MAML2: variants seen among roughly 807,000 people sequenced by gnomAD.
MAML2 encodes the protein mastermind-like protein 2.
In MAML2, 22 loss-of-function variants were observed where a neutral mutation model predicts 96.1. That is an observed-to-expected ratio of 0.23 (90% CI 0.16 to 0.33). The LOEUF is 0.33. MAML2 is among the 10% of genes least tolerant of loss of function. The probability of loss-of-function intolerance (pLI) is 1.00; values close to 1 mark genes in which losing one functional copy is unlikely to be tolerated. For missense variants in MAML2, 1,367 were observed against 1,392.4 expected (o/e 0.98, Z 0.29); for synonymous variants, 561 against 521.3 (o/e 1.08, Z -1.04).
intron 2 of MAML2, among the ~76,000 whole-genome samples, chr11:96,067,994 TGAGA>T (rs1199504095): frequency 4.6e-5 from 7 of 152,262 alleles, no homozygotes; most frequent in East Asian, 1.9e-4. Context: ...AATTTTTTCC[TGAGA>T]GAGAGAGTTT....
intron 1 of MAML2, among the ~76,000 whole-genome samples, chr11:96,249,501 T>C (rs936371700): frequency 2.6e-5 from 4 of 152,206 alleles, no homozygotes; most frequent in Admixed American, 2.0e-4. Context: ...ACTTCAGTTC[T>C]CTCGCCTCTT....
intron 2 of MAML2, among the ~76,000 whole-genome samples, chr11:95,994,329 T>C (rs1478126053): frequency 6.6e-6 from 1 of 152,230 alleles, no homozygotes; most frequent in African/African-American, 2.4e-5. Flanking sequence ...TACACCCCTA[T>C]GACCAGTCAG....
In MAML2 at chr11:96,261,660, G is replaced by A. The variant is rs1862752705; in HGVS notation, c.513+79723C>T. On this transcript the variant is annotated intron_variant, in intron 1 of 4. Transcript: ENST00000524717. ...TGAAAGGAACACAACATAATGAATG[G>A]AAAGAGCAAATATCTTGCCTGGTCC... 2.0e-5 allele frequency among the ~76,000 whole-genome samples: 3 copies of A among 152,306 alleles called. No homozygotes were observed. The South Asian group carries it at 6.2e-4, about 32-fold the overall frequency.
At position 96,210,931 on chromosome 11, in the gene MAML2, T is replaced by A. The variant is rs149353943; in HGVS notation, c.514-117414A>T. On this transcript the variant is annotated intron_variant, in intron 1 of 4. Transcript: ENST00000524717. Reference sequence around the variant, plus strand: ...AATTTGAAATTCCTTTGTCTCTTCCTTTTCTGTGGCTTCATATATGCACTA... The same window carrying A: ...AATTTGAAATTCCTTTGTCTCTTCCATTTCTGTGGCTTCATATATGCACTA... Among the ~76,000 whole-genome samples, 425 of 152,286 alleles carry A rather than the reference T, an allele frequency of 2.8e-3. 2 individuals carry two copies. Among genetic ancestry groups the A allele is most frequent in the African/African-American group, 9.5e-3 (395 of 41,554 alleles).
chr11:96,306,866 G>A (rs1021482991), intron 1 of MAML2, among the ~76,000 whole-genome samples: 18 of 152,162 alleles, frequency 1.2e-4, no homozygotes, highest in Non-Finnish European at 1.9e-4. Context: ...GAGTGAGCAC[G>A]AGGAATTGAT....
chr11:96,103,211 A>G (rs927315896), intron 1 of MAML2, among the ~76,000 whole-genome samples: 6 of 152,196 alleles, frequency 3.9e-5, no homozygotes, highest in Admixed American at 3.3e-4. Context: ...AGCCAACAGA[A>G]GAGACAGTAT....
chr11:96,328,124 C>T (rs774682972), intron 1 of MAML2, among the ~76,000 whole-genome samples: 3 of 151,882 alleles, frequency 2.0e-5, no homozygotes, highest in Non-Finnish European at 1.5e-5. Flanking sequence ...AAAAACAAAG[C>T]GCATATGTGT....
At chr11:96,278,260 C>A (rs1351072034) in intron 1 of MAML2, among the ~76,000 whole-genome samples, 3 of 152,072 alleles carry the variant, frequency 2.0e-5, no homozygotes, top group African/African-American at 7.2e-5. Context: ...TTTATATAAA[C>A]CTGACCTTTT....
rs150952112 is a variant in MAML2, at chr11:96,241,091, G to A, written c.513+100292C>T. 4.9e-3 allele frequency among the ~76,000 whole-genome samples: 748 copies of A among 152,242 alleles called. 10 individuals carry two copies. The highest frequency in any genetic ancestry group is 0.017 in the African/African-American group (705 of 41,542). On this transcript the variant is annotated intron_variant, in intron 1 of 4. Transcript: ENST00000524717. The stretch of plus-strand genomic sequence containing the variant: ...TCAGAAGATTCTGCAATTATTTTTT[G>A]ATCACCAACACCATCGGCTGTTGTG...
At chr11:96,051,115 G>T (rs1314400819) in intron 2 of MAML2, among the ~76,000 whole-genome samples, 1 of 152,092 alleles carries the variant, frequency 6.6e-6, no homozygotes, top group Non-Finnish European at 1.5e-5. Flanking sequence ...AAACAAGGAG[G>T]TCTTCTGTAG....
intron 1 of MAML2, among the ~76,000 whole-genome samples, chr11:96,126,101 G>A (rs1329613686): frequency 1.3e-5 from 2 of 152,164 alleles, no homozygotes; most frequent in Non-Finnish European, 2.9e-5. Context: ...TGACTTATAA[G>A]CCCTAACTAT....
chr11:96,086,128 C>T (rs991192621), intron 2 of MAML2, among the ~76,000 whole-genome samples: 1 of 152,260 alleles, frequency 6.6e-6, no homozygotes. Context: ...GGACAGATAC[C>T]TCCTTCAGAT....
At chr11:96,279,342 G>A (rs942789096) in intron 1 of MAML2, among the ~76,000 whole-genome samples, 1 of 152,242 alleles carries the variant, frequency 6.6e-6, no homozygotes, top group Non-Finnish European at 1.5e-5. Context: ...GAGAAGCAAT[G>A]TTAGGGGTGT....
chr11:96,309,398 C>A (rs1863506697), intron 1 of MAML2, among the ~76,000 whole-genome samples: 1 of 152,168 alleles, frequency 6.6e-6, no homozygotes, highest in Non-Finnish European at 1.5e-5. Flanking sequence ...TACCTACAGC[C>A]ATGGAATCTG....
chr11:96,055,857 T>C (rs1859058009), intron 2 of MAML2, among the ~76,000 whole-genome samples: 1 of 152,222 alleles, frequency 6.6e-6, no homozygotes, highest in South Asian at 2.1e-4. Flanking sequence ...CCAAGTTGAA[T>C]TTTCATGTAC....
chr11:96,271,918 G>T (rs1194369882), intron 1 of MAML2, among the ~76,000 whole-genome samples: 1 of 152,100 alleles, frequency 6.6e-6, no homozygotes, highest in Non-Finnish European at 1.5e-5. Flanking sequence ...TTACTGCTCT[G>T]ACCATATGGG....
At chr11:96,041,965 C>G (rs1026645789) in intron 2 of MAML2, among the ~76,000 whole-genome samples, 3 of 145,088 alleles carry the variant, frequency 2.1e-5, no homozygotes, top group Non-Finnish European at 3.0e-5. Flanking sequence ...TATGCCACCA[C>G]GCCCGGCTAA....
At chr11:96,230,366 T>C (rs1862276106) in intron 1 of MAML2, among the ~76,000 whole-genome samples, 1 of 152,224 alleles carries the variant, frequency 6.6e-6, no homozygotes, top group African/African-American at 2.4e-5. Context: ...TGATTCTCAA[T>C]TTAAATGCAT....
At position 96,182,750 on chromosome 11, in the gene MAML2, G is replaced by A. The variant is rs546619137; in HGVS notation, c.514-89233C>T. ...AGGGCATACCTGAGATTCAAACTCAGGTCTCACTCTAAGCAAATTGTTCTT... is the reference window on the plus strand; with the variant it reads ...AGGGCATACCTGAGATTCAAACTCAAGTCTCACTCTAAGCAAATTGTTCTT... On this transcript the variant is annotated intron_variant, in intron 1 of 4. Coordinates refer to ENST00000524717, the MANE Select transcript of MAML2 (RefSeq NM_032427.4). 7.2e-5 allele frequency among the ~76,000 whole-genome samples: 11 copies of A among 152,206 alleles called. No individual in the cohort carries two copies. The South Asian group carries it at 2.3e-3, about 32-fold the overall frequency.
Sources: allele counts gnomAD v4.1 joint callset (sites outside exome capture counted in the v4.1 genomes callset), GRCh38; gene constraint gnomAD v4.1.1; transcripts MANE v1.5; gene names NCBI Gene and HGNC (gene_info 2026-07-23, HGNC 2026-07-21).